The following NOS1AP variants were observed in gnomAD, a reference collection of about 807,000 sequenced individuals.
NOS1AP encodes the protein nitric oxide synthase 1 adaptor protein.
In NOS1AP, 21 loss-of-function variants were observed where a neutral mutation model predicts 56.2. The ratio of observed to expected loss-of-function variants is 0.37; its 90% CI spans 0.26 to 0.54. The LOEUF is 0.54. NOS1AP is among the 20% of genes least tolerant of loss of function. The pLI is 0.84. For synonymous variants in NOS1AP, 270 were observed against 274.6 expected, an observed-to-expected ratio of 0.98 and a Z score of 0.17; for missense variants, 522 against 657.8, an observed-to-expected ratio of 0.79 and a Z score of 2.26.
intron 2 of NOS1AP, among the ~76,000 whole-genome samples, chr1:162,217,071 C>T (rs915573812): frequency 2.0e-5 from 3 of 152,068 alleles, no homozygotes; most frequent in East Asian, 1.9e-4. Flanking sequence ...GGAGCAAGGG[C>T]GTTCATGTAT....
chr1:162,210,941 G>T (rs1652330709), intron 2 of NOS1AP, among the ~76,000 whole-genome samples: 1 of 152,254 alleles, frequency 6.6e-6, no homozygotes, highest in Admixed American at 6.5e-5. Flanking sequence ...TGCTGGAGGG[G>T]CTGCAGTGCT....
chr1:162,311,730 C>A (rs529122675), intron 4 of NOS1AP, among the ~76,000 whole-genome samples: 1 of 139,694 alleles, frequency 7.2e-6, no homozygotes, highest in Non-Finnish European at 1.5e-5. Context: ...TATCCCTCCC[C>A]CCTCCCCCCA....
At position 162,229,307 on chromosome 1, in the gene NOS1AP, T is replaced by A. The variant is rs1557840715; in HGVS notation, c.178-58037T>A. On this transcript the variant is annotated intron_variant, in intron 2 of 9. Transcript: ENST00000361897. ...TGGTTAGTAAGATACTGGTTAGATG[T>A]CTGTAGGGGAGAGAGGAAACCCTGG... Among the ~76,000 whole-genome samples the A allele has an allele frequency of 1.2e-4, 19 of 152,272 alleles. 1 individual carries two copies. The South Asian group carries it at 3.9e-3, about 32-fold the overall frequency.
chr1:162,116,922 T>C (rs1456115239), intron 1 of NOS1AP, among the ~76,000 whole-genome samples: 6 of 152,164 alleles, frequency 3.9e-5, no homozygotes, highest in Non-Finnish European at 5.9e-5. Context: ...CTGTAGCTTT[T>C]TGGGGGGGCT....
intron 4 of NOS1AP, among the ~76,000 whole-genome samples, chr1:162,332,481 G>A (rs1656803292): frequency 6.6e-6 from 1 of 152,184 alleles, no homozygotes; most frequent in African/African-American, 2.4e-5. Flanking sequence ...GGCATTGGTT[G>A]AATCATGGAA....
chr1:162,308,179 T>C (rs1655903927), intron 4 of NOS1AP, among the ~76,000 whole-genome samples: 1 of 152,210 alleles, frequency 6.6e-6, no homozygotes, highest in South Asian at 2.1e-4. Context: ...GACATTAATG[T>C]AGAAGATATG....
chr1:162,208,303 T>A (rs74494474), intron 2 of NOS1AP, among the ~76,000 whole-genome samples: 5,304 of 152,274 alleles, frequency 0.035, 111 homozygotes, highest in Middle Eastern at 0.072. Flanking sequence ...CCAATTTAAC[T>A]CTGGATCACA....
rs1557854014 is a variant in NOS1AP at position 162,261,539 on chromosome 1, A to AGAAGAGAGAAGAGAG, written c.178-25803_178-25802insAGAGAGAAGAGAGGA. Among the ~76,000 whole-genome samples the AGAAGAGAGAAGAGAG allele has an allele frequency of 4.7e-4, 8 of 16,878 alleles. 4 individuals are homozygous for AGAAGAGAGAAGAGAG. Among genetic ancestry groups the AGAAGAGAGAAGAGAG allele is most frequent in the Non-Finnish European group, 1.4e-3 (6 of 4,414 alleles). 11.1% of individuals were successfully genotyped at this position (16,878 alleles called of 152,430 possible). ...GAGAGAGAGAGAGAGAGAGAGAGAG[A>AGAAGAGAGAAGAGAG]GAGAGAGCAATGAAATGACTGGAAC... On this transcript the variant is annotated intron_variant, in intron 2 of 9. Coordinates refer to ENST00000361897, the MANE Select transcript of NOS1AP (RefSeq NM_014697.3).
intron 2 of NOS1AP, among the ~76,000 whole-genome samples, chr1:162,198,786 G>A (rs1651887462): frequency 6.6e-6 from 1 of 152,092 alleles, no homozygotes. Context: ...GGCAGACCAG[G>A]CATACTCAGT....
chr1:162,119,490 T>C (rs1052317838), intron 1 of NOS1AP, among the ~76,000 whole-genome samples: 10 of 152,210 alleles, frequency 6.6e-5, no homozygotes, highest in African/African-American at 2.4e-4. Context: ...CTCCGCATTC[T>C]ATAAAAGCCA....
chr1:162,236,476 C>A (rs573673535), intron 2 of NOS1AP, among the ~76,000 whole-genome samples: 4 of 152,166 alleles, frequency 2.6e-5, no homozygotes, highest in Non-Finnish European at 5.9e-5. Flanking sequence ...CCAGGGATAC[C>A]CAGAGAGTAA....
intron 4 of NOS1AP, among the ~76,000 whole-genome samples, chr1:162,310,230 A>G (rs2101765500): frequency 6.6e-6 from 1 of 152,324 alleles, no homozygotes; most frequent in East Asian, 1.9e-4. Context: ...GGAATGAGGT[A>G]TACCCCGTTC....
chr1:162,171,017 G>A (rs2102129346), intron 2 of NOS1AP, among the ~76,000 whole-genome samples: 1 of 152,268 alleles, frequency 6.6e-6, no homozygotes, highest in South Asian at 2.1e-4. Flanking sequence ...CTGCAGGGAG[G>A]CTTGGGGTTC....
At chr1:162,163,146 T>G (rs1335296876) in intron 2 of NOS1AP, among the ~76,000 whole-genome samples, 1 of 152,244 alleles carries the variant, frequency 6.6e-6, no homozygotes, top group Non-Finnish European at 1.5e-5. Flanking sequence ...TCATTTCTTT[T>G]TGTTGCTGAG....
At chr1:162,277,354 TTCC>T (rs1654775773) in intron 2 of NOS1AP, among the ~76,000 whole-genome samples, 2 of 152,198 alleles carry the variant, frequency 1.3e-5, no homozygotes, top group South Asian at 4.1e-4. Flanking sequence ...TTTTATTATT[TTCC>T]TCCTCCTTCT....
chr1:162,121,950 T>C (rs1057233000), intron 1 of NOS1AP, among the ~76,000 whole-genome samples: 1 of 152,214 alleles, frequency 6.6e-6, no homozygotes, highest in Non-Finnish European at 1.5e-5. Context: ...AACAAGCATA[T>C]TACAATGCAG....
chr1:162,326,025 G>A (rs1656580433), intron 4 of NOS1AP, among the ~76,000 whole-genome samples: 1 of 152,128 alleles, frequency 6.6e-6, no homozygotes, highest in African/African-American at 2.4e-5. Flanking sequence ...ATGGGTTAGA[G>A]AATATTTGTG....
intron 8 of NOS1AP, chr1:162,363,785 C>A: frequency 1.0e-6 from 1 of 985,400 alleles, no homozygotes; most frequent in Non-Finnish European, 1.2e-6. Flanking sequence ...GTTCTCACCC[C>A]TCCCCAGATC....
rs1406923606 is a variant in NOS1AP at position 162,356,998 on chromosome 1, C to G, written c.801C>G (p.Pro267=). ...AGGAGCCCATGCTGACAGCCTCACC[C>G]AGGATGCTGCTCCCTTCTTCTTCCT... is the stretch of plus-strand genomic sequence containing the variant. ...HPQEPMLTAS[P]RMLLPSSSSK... The change falls in exon 8 of 10, where the codon CCC becomes CCG. Residue 267 remains proline (P), a synonymous_variant. Coordinates refer to ENST00000361897, the MANE Select transcript of NOS1AP (RefSeq NM_014697.3). 6 of 1,614,158 alleles carry G rather than the reference C, an allele frequency of 3.7e-6. No individual in the cohort carries two copies. Among genetic ancestry groups the G allele is most frequent in the Admixed American group, 3.3e-5 (2 of 60,028 alleles).
Sources: gnomAD v4.1 joint callset for allele counts (sites outside exome capture counted in the v4.1 genomes callset) on GRCh38, gnomAD v4.1.1 for gene constraint, MANE v1.5 for transcripts, NCBI Gene and HGNC (gene_info 2026-07-23, HGNC 2026-07-21) for gene names.